NLGN1: variants seen among roughly 807,000 people sequenced by gnomAD.
The protein encoded by NLGN1 is neuroligin-1.
In NLGN1, 12 loss-of-function variants were observed where a neutral mutation model predicts 65.5. The ratio of observed to expected loss-of-function variants is 0.18; its 90% CI spans 0.12 to 0.30. The LOEUF (loss-of-function observed/expected upper bound fraction) is 0.30. NLGN1 is among the 10% of genes least tolerant of loss of function. The pLI is 1.00. For missense variants in NLGN1, 750 were observed against 1,007.1 expected (o/e 0.74, Z 3.46); for synonymous variants, 350 against 359.5 (o/e 0.97, Z 0.30).
At chr3:174,115,907 A>G (rs965979116) in intron 4 of NLGN1, among the ~76,000 whole-genome samples, 2 of 152,168 alleles carry the variant, frequency 1.3e-5, no homozygotes, top group African/African-American at 2.4e-5. Context: ...AAGGTTCTAT[A>G]TGTCTCTACA....
chr3:174,274,835 C>CTT (rs1457976146), intron 4 of NLGN1, among the ~76,000 whole-genome samples: 1 of 151,582 alleles, frequency 6.6e-6, no homozygotes, highest in African/African-American at 2.4e-5. Flanking sequence ...CTCTACAAGT[C>CTT]TTACAGAAAT....
intron 4 of NLGN1, among the ~76,000 whole-genome samples, chr3:174,244,693 T>C (rs1032108668): frequency 6.6e-6 from 1 of 152,142 alleles, no homozygotes; most frequent in Non-Finnish European, 1.5e-5. Context: ...AATAGGTATA[T>C]TGAGTCTTTT....
At chr3:174,179,550 G>A (rs1730012007) in intron 4 of NLGN1, among the ~76,000 whole-genome samples, 1 of 151,870 alleles carries the variant, frequency 6.6e-6, no homozygotes, top group Non-Finnish European at 1.5e-5. Context: ...ATATTGGCAG[G>A]GAAAAAGTTT....
chr3:174,115,218 G>A (rs866977208), intron 4 of NLGN1, among the ~76,000 whole-genome samples: 9 of 152,144 alleles, frequency 5.9e-5, no homozygotes, highest in African/African-American at 2.2e-4. Flanking sequence ...ACAGCTGCTG[G>A]TTATCCCTAT....
In NLGN1 at chr3:173,626,516, CA is replaced by C. The variant is rs537489870; in HGVS notation, c.493+21429del. On this transcript the variant is annotated intron_variant, in intron 3 of 6. Coordinates refer to ENST00000457714, the Ensembl canonical transcript of NLGN1. ...TGCTGAAATTTTGTCATAAATGTTT[CA>C]AAATTAAAGCAAAATTCCTTTAGAA... is the stretch of plus-strand genomic sequence containing the variant. Among the ~76,000 whole-genome samples the C allele has an allele frequency of 3.4e-3, 510 of 152,032 alleles. 1 individual carries two copies. Among genetic ancestry groups the C allele is most frequent in the African/African-American group, 0.012 (492 of 41,528 alleles).
At chr3:173,988,183 AC>A (rs1720350144) in intron 4 of NLGN1, among the ~76,000 whole-genome samples, 1 of 152,306 alleles carries the variant, frequency 6.6e-6, no homozygotes, top group East Asian at 1.9e-4. Flanking sequence ...GTAAACAAGA[AC>A]AAGTCCATGA....
intron 2 of NLGN1, among the ~76,000 whole-genome samples, chr3:173,518,659 C>A (rs897317884): frequency 6.6e-6 from 1 of 151,752 alleles, no homozygotes; most frequent in African/African-American, 2.4e-5. Flanking sequence ...TTTTGAGAAT[C>A]TTTTGTTTCC....
intron 4 of NLGN1, among the ~76,000 whole-genome samples, chr3:173,934,826 T>C (rs541772824): frequency 6.6e-6 from 1 of 152,168 alleles, no homozygotes; most frequent in East Asian, 1.9e-4. Context: ...ACTATTTAAA[T>C]ATCTGATGCA....
At chr3:173,930,699 C>T (rs1480069744) in intron 4 of NLGN1, among the ~76,000 whole-genome samples, 2 of 152,086 alleles carry the variant, frequency 1.3e-5, no homozygotes, top group South Asian at 2.1e-4. Flanking sequence ...CCTGGTGCTT[C>T]GGAAGTCCAG....
chr3:173,453,782 A>G (rs1006916754), intron 2 of NLGN1, among the ~76,000 whole-genome samples: 2 of 152,088 alleles, frequency 1.3e-5, no homozygotes, highest in African/African-American at 2.4e-5. Context: ...TGAAGACTTG[A>G]CCTCTCAAAG....
At chr3:173,723,169 A>G (rs1771147804) in intron 3 of NLGN1, among the ~76,000 whole-genome samples, 1 of 152,194 alleles carries the variant, frequency 6.6e-6, no homozygotes, top group Non-Finnish European at 1.5e-5. Flanking sequence ...AAAGGGGAGA[A>G]TTTTCAGAAA....
intron 4 of NLGN1, among the ~76,000 whole-genome samples, chr3:174,144,629 C>G (rs1396346577): frequency 1.3e-5 from 2 of 152,196 alleles, no homozygotes; most frequent in Admixed American, 6.5e-5. Flanking sequence ...GAGATGGTAT[C>G]TCATTGTGGT....
chr3:173,933,520 G>A lies in NLGN1; in HGVS notation c.646+125688G>A, dbSNP rs372096401. The stretch of plus-strand genomic sequence containing the variant: ...CTTGGTTGACAATTAAAGATAGCAG[G>A]TATCTGAGACACAGTTTATTTAGCT... On this transcript the variant is annotated intron_variant, in intron 4 of 6. Coordinates refer to ENST00000457714, the Ensembl canonical transcript of NLGN1. 2.6e-5 allele frequency among the ~76,000 whole-genome samples: 4 copies of A among 152,234 alleles called. 1 individual carries two copies. In the South Asian group the frequency reaches 6.2e-4, roughly 24 times the overall value.
intron 2 of NLGN1, among the ~76,000 whole-genome samples, chr3:173,551,315 G>C (rs184165260): frequency 6.6e-6 from 1 of 152,170 alleles, no homozygotes; most frequent in Admixed American, 6.6e-5. Flanking sequence ...AAAGCAGCTC[G>C]ATGTGTAAGC....
upstream of NLGN1, chr3:173,397,801 GCGC>G (rs1272352763): frequency 6.6e-6 from 1 of 152,224 alleles, no homozygotes; most frequent in African/African-American, 2.4e-5. Flanking sequence ...CGGGCGGCCA[GCGC>G]CGAGCGCGCG....
At chr3:173,901,366 G>A (rs1224268137) in intron 4 of NLGN1, among the ~76,000 whole-genome samples, 4 of 140,078 alleles carry the variant, frequency 2.9e-5, no homozygotes, top group Admixed American at 7.2e-5. Context: ...ATTTTTTTTG[G>A]GGGGGTGTGT....
chr3:174,235,341 C>T (rs1343304843), intron 4 of NLGN1, among the ~76,000 whole-genome samples: 1 of 152,056 alleles, frequency 6.6e-6, no homozygotes, highest in East Asian at 1.9e-4. Flanking sequence ...GCTAAGACCT[C>T]AGTCCTAGAG....
intron 4 of NLGN1, among the ~76,000 whole-genome samples, chr3:174,074,903 G>A (rs1056187343): frequency 1.8e-4 from 28 of 152,130 alleles, no homozygotes; most frequent in African/African-American, 6.5e-4. Flanking sequence ...TAGTCTTAGG[G>A]TTCTACCGTG....
At chr3:173,633,623 A>G (rs1321115214) in intron 3 of NLGN1, among the ~76,000 whole-genome samples, 1 of 152,182 alleles carries the variant, frequency 6.6e-6, no homozygotes, top group Non-Finnish European at 1.5e-5. Context: ...CTATGGGTTG[A>G]CAGCTTCAGT....
Sources: allele counts gnomAD v4.1 joint callset (sites outside exome capture counted in the v4.1 genomes callset), GRCh38; gene constraint gnomAD v4.1.1; transcripts MANE v1.5; gene names NCBI Gene and HGNC (gene_info 2026-07-23, HGNC 2026-07-21).